Variants in SLC4A3 observed in about 807,000 individuals in gnomAD.
The protein encoded by SLC4A3 is anion exchange protein 3.
In SLC4A3, 47 loss-of-function variants were observed where a neutral mutation model predicts 114.2. The ratio of observed to expected loss-of-function variants is 0.41; its 90% confidence interval spans 0.33 to 0.52. The LOEUF (loss-of-function observed/expected upper bound fraction) is 0.52, where lower values mean the gene tolerates loss of function less well. Ranked by LOEUF, SLC4A3 falls within the 20% of genes least tolerant of loss-of-function variation. The pLI, the probability that SLC4A3 is intolerant of heterozygous loss-of-function variation, is 0.21. For missense variants in SLC4A3, 1,312 were observed against 1,668.3 expected (o/e 0.79, Z 3.72); for synonymous variants, 693 against 710.3 (o/e 0.98, Z 0.39).
rs1454240976 is a variant in SLC4A3, at chr2:219,632,232, C to T, written c.961-30C>T. 4 of 1,613,492 alleles carry T rather than the reference C, an allele frequency of 2.5e-6. No homozygotes were observed. In the Admixed American group the frequency reaches 6.7e-5, roughly 27 times the overall value. ...CGGTGTTCCCCACACCTGTTGGCCC[C>T]TGGGCCCTCACCTTTGGCACGCCCC... is the stretch of plus-strand genomic sequence containing the variant. On this transcript the variant is annotated intron_variant, in intron 7 of 22. Coordinates refer to ENST00000358055, the MANE Select transcript of SLC4A3 (RefSeq NM_005070.4).
At chr2:219,629,736 G>GC in intron 5 of SLC4A3, 41 bp downstream of exon 5, 1 of 1,412,818 alleles carries the variant, frequency 7.1e-7, no homozygotes, top group Non-Finnish European at 9.9e-7. Context: ...CCAGCCCAGA[G>GC]CCACAGGGTC....
rs150010736 is a variant in SLC4A3 at position 219,636,686 on chromosome 2, C to T, written c.2347C>T (p.Arg783Ter). Residue 783 changes from arginine to a stop codon, truncating the protein, a stop_gained, in exon 16 of 23, where the codon CGA becomes TGA. Transcript: ENST00000358055. LOFTEE classifies it high-confidence loss of function. This position sits in a 1 kb window ranked among gnomAD's most constrained non-coding sequence, Gnocchi z 5.5. Reference sequence around the variant, plus strand: ...CGCTCCTACCCCCACCTAGTTCTGCCGAGCCCAGGACCTGGAGTACCTCAC... The same window carrying T: ...CGCTCCTACCCCCACCTAGTTCTGCTGAGCCCAGGACCTGGAGTACCTCAC... ...VFEEAFFKFC[R>*]AQDLEYLTGR... The T allele has an allele frequency of 7.4e-6, 12 of 1,612,962 alleles. No individual in the cohort carries two copies. The highest frequency in any genetic ancestry group is 6.6e-5 in the South Asian group (6 of 90,976).
In SLC4A3 at chr2:219,631,167, C is replaced by T. The variant is rs992180771; in HGVS notation, c.812-801C>T. 6 of 1,185,538 alleles carry T rather than the reference C, an allele frequency of 5.1e-6. No homozygotes were observed. In the African/African-American group the frequency reaches 8.0e-5, roughly 16 times the overall value. 73.4% of individuals were successfully genotyped at this position (1,185,538 alleles called of 1,614,324 possible). On this transcript the variant is annotated intron_variant, in intron 6 of 22. Transcript: ENST00000358055. This position sits in a 1 kb window ranked among gnomAD's most constrained non-coding sequence, Gnocchi z 6.3. The stretch of plus-strand genomic sequence containing the variant: ...CTGGTTGGACAGAAGCCACCCCGTC[C>T]AGGCTCCCACCTTGTAGGAGAGCCG...
chr2:219,632,249 G>C lies in SLC4A3; in HGVS notation c.961-13G>C, dbSNP rs374417147. 9.3e-6 allele frequency: 15 copies of C among 1,613,730 alleles called. No homozygotes were observed. The highest frequency in any genetic ancestry group is 1.1e-5 in the Non-Finnish European group (13 of 1,180,002). ...GTTGGCCCCTGGGCCCTCACCTTTG[G>C]CACGCCCCCCAGGTGTTCGTGGAGC... On this transcript the variant is annotated splice_polypyrimidine_tract_variant and intron_variant, in intron 7 of 22. Coordinates refer to ENST00000358055, the MANE Select transcript of SLC4A3 (RefSeq NM_005070.4).
Position 219,637,479 on chromosome 2 carries a change from A to G in SLC4A3, c.2536-102A>G. On this transcript the variant is annotated intron_variant, in intron 16 of 22. Coordinates refer to ENST00000358055, the MANE Select transcript of SLC4A3 (RefSeq NM_005070.4). The surrounding 1 kb of genome is among the most constrained non-coding windows in gnomAD (Gnocchi z 4.6). ...GTCCGTGCATTACTGTTGTCTGACCAGGTATTGAGGGGCCACCCTCTCTCT... is the reference window on the plus strand; with the variant it reads ...GTCCGTGCATTACTGTTGTCTGACCGGGTATTGAGGGGCCACCCTCTCTCT... 1 of 655,666 alleles carries G rather than the reference A, an allele frequency of 1.5e-6. No individual in the cohort carries two copies. The allele number at this position is 655,666 out of a possible 1,614,324, so 40.6% of individuals were successfully genotyped here.
Position 219,629,301 on chromosome 2 carries a change from C to T in SLC4A3, c.375C>T (p.Pro125=). Residue 125 remains proline (P), a synonymous_variant, in exon 4 of 23, where the codon CCC becomes CCT. Coordinates refer to ENST00000358055, the MANE Select transcript of SLC4A3 (RefSeq NM_005070.4). ...TSAPPSEGTP[P]IQEEGGAGVD... Reference sequence around the variant, plus strand: ...CTCCTCCCTCCGAGGGGACCCCTCCCATCCAGGAGGAGGGGGGAGCTGGAG... The same window carrying T: ...CTCCTCCCTCCGAGGGGACCCCTCCTATCCAGGAGGAGGGGGGAGCTGGAG... 1 of 1,613,592 alleles carries T rather than the reference C, an allele frequency of 6.2e-7. No homozygotes were observed. Among genetic ancestry groups the T allele is most frequent in the Non-Finnish European group, 8.5e-7 (1 of 1,179,708 alleles).
In SLC4A3 at chr2:219,629,304, C is replaced by T. The variant is rs1260400189; in HGVS notation, c.378C>T (p.Ile126=). 3.7e-6 allele frequency: 6 copies of T among 1,613,300 alleles called. No homozygotes were observed. Among genetic ancestry groups the T allele is most frequent in the Non-Finnish European group, 5.1e-6 (6 of 1,179,640 alleles). Reference sequence around the variant, plus strand: ...CTCCCTCCGAGGGGACCCCTCCCATCCAGGAGGAGGGGGGAGCTGGAGTGG... The same window carrying T: ...CTCCCTCCGAGGGGACCCCTCCCATTCAGGAGGAGGGGGGAGCTGGAGTGG... ...SAPPSEGTPP[I]QEEGGAGVDE... is the part of the protein sequence containing the mutation. Residue 126 remains isoleucine (I), a synonymous_variant, in exon 4 of 23, where the codon ATC becomes ATT. Coordinates refer to ENST00000358055, the MANE Select transcript of SLC4A3 (RefSeq NM_005070.4).
In SLC4A3 at chr2:219,629,140, C is replaced by A. The variant is rs765670487; in HGVS notation, c.218-4C>A. The A allele has an allele frequency of 1.9e-6, 3 of 1,573,506 alleles. No homozygotes were observed. The East Asian group carries it at 6.8e-5, about 35-fold the overall frequency. On this transcript the variant is annotated splice_polypyrimidine_tract_variant and splice_region_variant and intron_variant, in intron 3 of 22. Transcript: ENST00000358055. ...GGCCTCAACCGGATCTCCTGCACCC[C>A]CAGTTCACCGGCACACATCCCACCA...
intron 8 of SLC4A3, 126 bp from the exon 9 acceptor site, chr2:219,632,748 T>A (rs1435275557): frequency 8.4e-7 from 1 of 1,196,684 alleles, no homozygotes; most frequent in Non-Finnish European, 1.2e-6. Context: ...TGTGTATCCA[T>A]CTGGGTACAT....
At position 219,630,143 on chromosome 2, in the gene SLC4A3, G is replaced by C. The variant is rs762138080; in HGVS notation, c.612-10G>C. ...CTGTCAAGTCCAAGGCTGCTGTGTT[G>C]CCTCCCCAGCTCCCCCAGCCCCCGG... On this transcript the variant is annotated splice_polypyrimidine_tract_variant and intron_variant, in intron 5 of 22. Transcript: ENST00000358055. The surrounding 1 kb of genome is among the most constrained non-coding windows in gnomAD (Gnocchi z 6.9). 1 of 1,612,738 alleles carries C rather than the reference G, an allele frequency of 6.2e-7. No homozygotes were observed. Among genetic ancestry groups the C allele is most frequent in the Non-Finnish European group, 8.5e-7 (1 of 1,179,588 alleles).
Position 219,628,159 on chromosome 2 carries a change from G to C in SLC4A3, c.51+116G>C, listed in dbSNP as rs1698784522. ...GACCCCCCAGATCCAGGGATGAGCT[G>C]GGCTGGGGGTTACGGAGAAAGAGGG... On this transcript the variant is annotated intron_variant, in intron 2 of 22. Transcript: ENST00000358055. This position sits in a 1 kb window ranked among gnomAD's most constrained non-coding sequence, Gnocchi z 4.8. 1 of 896,380 alleles carries C rather than the reference G, an allele frequency of 1.1e-6. No individual in the cohort carries two copies. The highest frequency in any genetic ancestry group is 1.7e-5 in the African/African-American group (1 of 58,736). The allele number at this position is 896,380 out of a possible 1,614,324, so 55.5% of individuals were successfully genotyped here.
Position 219,635,681 on chromosome 2 carries a change from T to G in SLC4A3, c.1981T>G (p.Leu661Val). 6.3e-7 allele frequency: 1 copy of G among 1,584,826 alleles called. No homozygotes were observed. Among genetic ancestry groups the G allele is most frequent in the Non-Finnish European group, 8.6e-7 (1 of 1,168,014 alleles). Residue 661 changes from leucine (L) to valine (V), a missense_variant, in exon 14 of 23, where the codon TTG becomes GTG. Leu to Val is a conservative substitution (Grantham distance 32). This residue lies in a region of SLC4A3 where 771 missense variants were observed against 977.7 expected (regional missense o/e 0.79). Transcript: ENST00000358055. ...GYTAPGKELSLELGGSEATPE... is the reference protein window; with the variant it reads ...GYTAPGKELSVELGGSEATPE... ...GCCCCTTGTTCCCCCAGAACTGTCT[T>G]TGGAGTTGGGGGGCTCTGAGGCAAC...
chr2:219,633,617 C>T (rs985720952), intron 10 of SLC4A3, among the ~76,000 whole-genome samples, 160 bp downstream of exon 10: 3 of 152,194 alleles, frequency 2.0e-5, no homozygotes, highest in African/African-American at 7.2e-5. Context: ...GGGTCCCTGC[C>T]CTGAGACGCA....
At position 219,636,748 on chromosome 2, in the gene SLC4A3, C is replaced by T. The variant is rs754210504; in HGVS notation, c.2409C>T (p.Phe803=). The T allele has an allele frequency of 5.7e-5, 92 of 1,613,948 alleles. No individual in the cohort carries two copies. The highest frequency in any genetic ancestry group is 4.5e-5 in the East Asian group (2 of 44,878). The change falls in exon 16 of 23, where the codon TTC becomes TTT. Residue 803 remains phenylalanine, a synonymous_variant. Transcript: ENST00000358055. The surrounding 1 kb of genome is among the most constrained non-coding windows in gnomAD (Gnocchi z 5.5). ...RVWVGLWLVV[F]VLALVAAEGS... ...GGGTTGGTCTCTGGCTGGTGGTCTTCGTCCTTGCCCTGGTGGCCGCCGAAG... is the reference window on the plus strand; with the variant it reads ...GGGTTGGTCTCTGGCTGGTGGTCTTTGTCCTTGCCCTGGTGGCCGCCGAAG...
At position 219,628,031 on chromosome 2, in the gene SLC4A3, C is replaced by T. The variant is rs773888952; in HGVS notation, c.39C>T (p.Ser13=). 1.9e-6 allele frequency: 3 copies of T among 1,578,892 alleles called. No homozygotes were observed. Among genetic ancestry groups the T allele is most frequent in the East Asian group, 2.3e-5 (1 of 42,650 alleles). Reference sequence around the variant, plus strand: ...TGATCCCGCCGCCCGGGGGCGCCTCCCCCCTACCCCAGGTGATCGGCGCGC... The same window carrying T: ...TGATCCCGCCGCCCGGGGGCGCCTCTCCCCTACCCCAGGTGATCGGCGCGC... ...NGVIPPPGGA[S]PLPQVRVPLE... is the part of the protein sequence containing the mutation. The change falls in exon 2 of 23, where the codon TCC becomes TCT. Residue 13 remains serine, a synonymous_variant. Coordinates refer to ENST00000358055, the MANE Select transcript of SLC4A3 (RefSeq NM_005070.4). This position sits in a 1 kb window ranked among gnomAD's most constrained non-coding sequence, Gnocchi z 4.8.
rs201131186 is a variant in SLC4A3 at position 219,639,489 on chromosome 2, G to A, written c.3031G>A (p.Val1011Ile). ...FMETQITALI[V>I]SQKARRLLKG... is the part of the protein sequence containing the mutation. ...CCCACCTTCTCCCTGCAGGCTTATCGTCAGCCAGAAGGCGCGGAGGCTGCT... is the reference window on the plus strand; with the variant it reads ...CCCACCTTCTCCCTGCAGGCTTATCATCAGCCAGAAGGCGCGGAGGCTGCT... The change falls in exon 20 of 23, where the codon GTC becomes ATC. Residue 1011 changes from valine to isoleucine, a missense_variant. Val to Ile is a conservative substitution (Grantham distance 29). Around this residue, in one of 4 missense-constraint regions of SLC4A3, gnomAD observed 301 missense variants for 460.7 expected, o/e 0.65. Coordinates refer to ENST00000358055, the MANE Select transcript of SLC4A3 (RefSeq NM_005070.4). The surrounding 1 kb of genome is among the most constrained non-coding windows in gnomAD (Gnocchi z 5.9). 18 of 1,612,668 alleles carry A rather than the reference G, an allele frequency of 1.1e-5. No individual in the cohort carries two copies. The highest frequency in any genetic ancestry group is 4.0e-5 in the African/African-American group (3 of 74,890).
rs1013571227 is a variant in SLC4A3, at chr2:219,631,892, G to C, written c.812-76G>C. 1.1e-5 allele frequency: 16 copies of C among 1,477,826 alleles called. No homozygotes were observed. Among genetic ancestry groups the C allele is most frequent in the Non-Finnish European group, 1.4e-5 (15 of 1,098,598 alleles). 91.5% of individuals were successfully genotyped at this position (1,477,826 alleles called of 1,614,324 possible). ...GTAGAGCTCACCAAGTAGATGGGTT[G>C]GGCAGAAGGAGCTGGGCCGTGACCC... On this transcript the variant is annotated intron_variant, in intron 6 of 22. Transcript: ENST00000358055. This position sits in a 1 kb window ranked among gnomAD's most constrained non-coding sequence, Gnocchi z 6.3.
chr2:219,635,837 C>G lies in SLC4A3; in HGVS notation c.2137C>G (p.Leu713Val), dbSNP rs1699099939. ...ALHSQCVAAV[L>V]FIYFAALSPA... ...GCACTCCCAGTGTGTGGCCGCTGTG[C>G]TCTTCATCTACTTCGCAGCCCTCAG... The change falls in exon 14 of 23, where the codon CTC (leucine) becomes GTC (valine). Residue 713 changes from leucine to valine, a missense_variant. By Grantham distance (32) the Leu-to-Val change is conservative. Coordinates refer to ENST00000358055, the MANE Select transcript of SLC4A3 (RefSeq NM_005070.4). 6.3e-7 allele frequency: 1 copy of G among 1,583,418 alleles called. No homozygotes were observed. The highest frequency in any genetic ancestry group is 8.6e-7 in the Non-Finnish European group (1 of 1,166,190).
rs1242117530 is a variant in SLC4A3 at position 219,638,273 on chromosome 2, TG to T, written c.2856+22del. On this transcript the variant is annotated intron_variant, in intron 18 of 22. Transcript: ENST00000358055. This position sits in a 1 kb window ranked among gnomAD's most constrained non-coding sequence, Gnocchi z 7.5. The stretch of plus-strand genomic sequence containing the variant: ...ACGCAGGTGAGGGAGCCCCAGCCTG[TG>T]GCAGCTGCTGTCACCCCCAGGCCAG... 3 of 1,569,862 alleles carry T rather than the reference TG, an allele frequency of 1.9e-6. No individual in the cohort carries two copies. The highest frequency in any genetic ancestry group is 2.6e-6 in the Non-Finnish European group (3 of 1,143,340).
Sources: allele counts gnomAD v4.1 joint callset (sites outside exome capture counted in the v4.1 genomes callset), GRCh38; gene constraint gnomAD v4.1.1; regional missense constraint gnomAD v4.1.1; non-coding constraint Gnocchi (gnomAD v3.1); transcripts MANE v1.5; gene names NCBI Gene and HGNC (gene_info 2026-07-23, HGNC 2026-07-21).